Variants in ALDH6A1 observed in about 807,000 individuals in gnomAD.
ALDH6A1 encodes aldehyde dehydrogenase 6 family member A1.
In ALDH6A1, 43 loss-of-function variants were observed where a neutral mutation model predicts 62.6. The ratio of observed to expected loss-of-function variants is 0.69; its 90% CI spans 0.54 to 0.89. ALDH6A1 has a LOEUF of 0.89. Ranked by LOEUF, ALDH6A1 falls within the 40% of genes least tolerant of loss-of-function variation. The pLI, the probability that ALDH6A1 is intolerant of heterozygous loss-of-function variation, is 0.00. For missense variants in ALDH6A1, 551 were observed against 661.3 expected, an observed-to-expected ratio of 0.83 and a Z score of 1.83; for synonymous variants, 194 against 234.2, an observed-to-expected ratio of 0.83 and a Z score of 1.57.
chr14:74,062,808 G>GA (rs71460951), intron 11 of ALDH6A1, among the ~76,000 whole-genome samples: 22 of 150,252 alleles, frequency 1.5e-4, no homozygotes, highest in African/African-American at 2.9e-4. Context: ...AGCTGGCACA[G>GA]AAAAAAAAAA....
rs35503985 is a variant in ALDH6A1 at position 74,067,997 on chromosome 14, T to TAAAA, written c.853-432_853-429dup. Among the ~76,000 whole-genome samples, 115 of 132,972 alleles carry TAAAA rather than the reference T, an allele frequency of 8.6e-4. 1 individual carries two copies. Among genetic ancestry groups the TAAAA allele is most frequent in the African/African-American group, 2.0e-3 (70 of 35,804 alleles). 87.2% of individuals were successfully genotyped at this position (132,972 alleles called of 152,430 possible). A position where few individuals can be genotyped will look rare whatever the true frequency, so the allele number is the denominator to read the frequency against. On this transcript the variant is annotated intron_variant, in intron 7 of 11. Transcript: ENST00000553458. ...TTTTTAGTTATATGAAGAGCAATGTTAAAAAAAAAAAAAAAAAGAACTTAC... is the reference window on the plus strand; with the variant it reads ...TTTTTAGTTATATGAAGAGCAATGTTAAAAAAAAAAAAAAAAAAAAAGAACTTAC...
chr14:74,065,446 C>T, intron 9 of ALDH6A1, 86 bp from the exon 10 acceptor site: 1 of 1,221,718 alleles, frequency 8.2e-7, no homozygotes, highest in Admixed American at 1.9e-5. Context: ...ACTTACTACA[C>T]ATCATTTACG....
At chr14:74,070,083 C>A (rs117623322) in intron 6 of ALDH6A1, among the ~76,000 whole-genome samples, 1 of 151,968 alleles carries the variant, frequency 6.6e-6, no homozygotes, top group African/African-American at 2.4e-5. Flanking sequence ...TCAAGTGATC[C>A]GCCTGCCTTC....
rs532379080 is a variant in ALDH6A1 at position 74,078,134 on chromosome 14, ACTCCCAATT to A, written c.49-3126_49-3118del. ...TGCTATTCCACAACTTTATCTTAAAACTCCCAATTCTACTAATTCCTCTTGTACTTTCAG... is the reference window on the plus strand; with the variant it reads ...TGCTATTCCACAACTTTATCTTAAAACTACTAATTCCTCTTGTACTTTCAG... On this transcript the variant is annotated intron_variant, in intron 1 of 11. Transcript: ENST00000553458. The A allele has an allele frequency of 3.6e-4, 161 of 448,010 alleles. 1 individual carries two copies. The highest frequency in any genetic ancestry group is 2.9e-3 in the African/African-American group (142 of 49,512). The allele number at this position is 448,010 out of a possible 1,614,324, so 27.8% of individuals were successfully genotyped here. A position where few individuals can be genotyped will look rare whatever the true frequency, so the allele number is the denominator to read the frequency against.
At position 74,057,654 on chromosome 14, in the gene ALDH6A1, A is replaced by C. The variant is rs1388509745; in HGVS notation, c.*2988T>G. On this transcript the variant is annotated 3_prime_UTR_variant, in exon 12 of 12. Transcript: ENST00000553458. ...TAAGGAGATATGAAATGATTTTTTT[A>C]AGCCAAGTTTTTCTCTTTAAGAGTT... The C allele has an allele frequency of 7.5e-7, 1 of 1,329,326 alleles. No homozygotes were observed. Among genetic ancestry groups the C allele is most frequent in the African/African-American group, 1.5e-5 (1 of 66,556 alleles). The allele number at this position is 1,329,326 out of a possible 1,614,324, so 82.3% of individuals were successfully genotyped here.
At position 74,057,119 on chromosome 14, in the gene ALDH6A1, T is replaced by C. The variant is rs1376508798; in HGVS notation, c.*3523A>G. 1 of 1,605,340 alleles carries C rather than the reference T, an allele frequency of 6.2e-7. No individual in the cohort carries two copies. Among genetic ancestry groups the C allele is most frequent in the Admixed American group, 1.7e-5 (1 of 58,872 alleles). ...TTCATGTGTGTAGAGTTGTTGACGG[T>C]TCTGTTATTTTGTCATTATTGCAGG... is the stretch of plus-strand genomic sequence containing the variant. On this transcript the variant is annotated 3_prime_UTR_variant, in exon 12 of 12. Coordinates refer to ENST00000553458, the MANE Select transcript of ALDH6A1 (RefSeq NM_005589.4).
At chr14:74,081,732 C>T (rs1276585866) in intron 1 of ALDH6A1, among the ~76,000 whole-genome samples, 2 of 152,164 alleles carry the variant, frequency 1.3e-5, no homozygotes, top group African/African-American at 4.8e-5. Flanking sequence ...CCAGATACTC[C>T]TATTGTTTAT....
intron 1 of ALDH6A1, chr14:74,078,066 C>CA (rs561126572): frequency 9.4e-5 from 36 of 384,864 alleles, no homozygotes; most frequent in South Asian, 6.9e-4. Context: ...AACGAGACTC[C>CA]ATTTCTATAA....
intron 11 of ALDH6A1, among the ~76,000 whole-genome samples, chr14:74,063,312 G>C (rs369492364): frequency 6.6e-6 from 1 of 150,668 alleles, no homozygotes; most frequent in East Asian, 2.0e-4. Flanking sequence ...TCAGCCTCCC[G>C]AGTAGCTGGG....
At chr14:74,064,605 C>A in intron 11 of ALDH6A1, 1 of 1,376,496 alleles carries the variant, frequency 7.3e-7, no homozygotes, top group South Asian at 1.2e-5. Context: ...TCCCCATGCT[C>A]TTTCCTCAAA....
At chr14:74,072,103 A>G (rs1384301252) in intron 4 of ALDH6A1, 100 bp downstream of exon 4, 5 of 1,584,186 alleles carry the variant, frequency 3.2e-6, no homozygotes, top group South Asian at 1.1e-5. Context: ...ACGTCTCTGC[A>G]TACTGCAGAG....
rs901210164 is a variant in ALDH6A1, at chr14:74,065,088, C to G, written c.1404+93G>C. The G allele has an allele frequency of 2.0e-6, 3 of 1,490,348 alleles. No individual in the cohort carries two copies. The African/African-American group carries it at 4.2e-5, about 21-fold the overall frequency. The allele number at this position is 1,490,348 out of a possible 1,614,324, so 92.3% of individuals were successfully genotyped here. A position where few individuals can be genotyped will look rare whatever the true frequency, so the allele number is the denominator to read the frequency against. On this transcript the variant is annotated intron_variant, in intron 10 of 11. Coordinates refer to ENST00000553458, the MANE Select transcript of ALDH6A1 (RefSeq NM_005589.4). ...GGGGCAATGTGGGAGGTCATGGGGG[C>G]AATCTTAAACCAATGACTCACCATT...
rs1595115418 is a variant in ALDH6A1, at chr14:74,065,258, A to G, written c.1327T>C (p.Tyr443His). Residue 443 changes from tyrosine (Y) to histidine (H), a missense_variant, in exon 10 of 12, where the codon TAT (tyrosine) becomes CAT (histidine). Transcript: ENST00000553458. ...GTGAAGATGGCAGTTCCATTTCCAT[A>G]TGGGTTGTTATTTACAATCTGGATG... ...EAIQIVNNNP[Y>H]GNGTAIFTTN... 1.2e-6 allele frequency: 2 copies of G among 1,614,020 alleles called. No homozygotes were observed. The highest frequency in any genetic ancestry group is 2.2e-5 in the East Asian group (1 of 44,868).
In ALDH6A1 at chr14:74,063,640, C is replaced by T. The variant is rs1427099263; in HGVS notation, c.1503+1182G>A. 2.0e-5 allele frequency among the ~76,000 whole-genome samples: 3 copies of T among 151,026 alleles called. No individual in the cohort carries two copies. In the South Asian group the frequency reaches 6.3e-4, roughly 32 times the overall value. ...CAGCACTTTAGGAGGCTGAGGCAGG[C>T]GGATCACCTGAGGTCAGGAATTCGA... On this transcript the variant is annotated intron_variant, in intron 11 of 11. Coordinates refer to ENST00000553458, the MANE Select transcript of ALDH6A1 (RefSeq NM_005589.4).
intron 1 of ALDH6A1, chr14:74,078,269 T>C (rs1412828736): frequency 2.2e-6 from 1 of 455,734 alleles, no homozygotes; most frequent in East Asian, 7.0e-5. Context: ...CTCAACCTAA[T>C]GGAGAAGGTA....
intron 6 of ALDH6A1, among the ~76,000 whole-genome samples, chr14:74,070,102 A>AGC (rs2060528737): frequency 1.3e-5 from 2 of 151,926 alleles, no homozygotes; most frequent in African/African-American, 4.8e-5. Flanking sequence ...TCACCTCCCA[A>AGC]AGTGCTGGGA....
In ALDH6A1 at chr14:74,076,689, A is replaced by G. The variant is rs539096573; in HGVS notation, c.49-1672T>C. On this transcript the variant is annotated intron_variant, in intron 1 of 11. Transcript: ENST00000553458. ...GTAGCTGAGATTACAGACACCCGCC[A>G]CCATGCCTGGCTAATTTTATTTTAT... Among the ~76,000 whole-genome samples, 28 of 152,074 alleles carry G rather than the reference A, an allele frequency of 1.8e-4. No individual in the cohort carries two copies. The South Asian group carries it at 5.6e-3, about 30-fold the overall frequency.
chr14:74,073,603 A>G (rs2060577951), intron 2 of ALDH6A1, among the ~76,000 whole-genome samples: 1 of 152,138 alleles, frequency 6.6e-6, no homozygotes, highest in Non-Finnish European at 1.5e-5. Context: ...CATTACTGTG[A>G]GCATGTATTA....
In ALDH6A1 at chr14:74,072,420, A is replaced by G. The variant is rs139517426; in HGVS notation, c.187-56T>C. Reference sequence around the variant, plus strand: ...GCCTGACTCACCTTCTCCACTGTACATCCAGTCACAGAAGTGGCACTATGT... The same window carrying G: ...GCCTGACTCACCTTCTCCACTGTACGTCCAGTCACAGAAGTGGCACTATGT... On this transcript the variant is annotated intron_variant, in intron 3 of 11. Transcript: ENST00000553458. The G allele has an allele frequency of 7.5e-3, 12,145 of 1,613,872 alleles. 100 individuals carry two copies. Among genetic ancestry groups the G allele is most frequent in the Middle Eastern group, 0.04 (243 of 6,062 alleles).
Sources: allele counts gnomAD v4.1 joint callset (sites outside exome capture counted in the v4.1 genomes callset), GRCh38; gene constraint gnomAD v4.1.1; transcripts MANE v1.5; gene names NCBI Gene and HGNC (gene_info 2026-07-23, HGNC 2026-07-21).